Variants in NRROS observed in about 807,000 individuals in gnomAD.
The protein encoded by NRROS is negative regulator of reactive oxygen species, also known as transforming growth factor beta activator LRRC33.
Under a neutral mutation model 12.0 loss-of-function variants are expected in NRROS, and 6 were observed. The observed-to-expected ratio is 0.50, with a 90% CI of 0.27 to 0.98. NRROS has a LOEUF of 0.98. Among genes scored for constraint, NRROS ranks in the 50% least tolerant of loss-of-function variants. The pLI is 0.11. For synonymous variants in NRROS, 462 were observed against 410.2 expected (o/e 1.13, Z -1.53); for missense variants, 857 against 888.2 (o/e 0.96, Z 0.45).
Position 196,654,892 on chromosome 3 carries a change from C to A in NRROS, c.108+245C>A. 2 of 457,720 alleles carry A rather than the reference C, an allele frequency of 4.4e-6. No individual in the cohort carries two copies. Among genetic ancestry groups the A allele is most frequent in the Non-Finnish European group, 3.9e-6 (1 of 257,684 alleles). The allele number at this position is 457,720 out of a possible 1,614,324, so 28.4% of individuals were successfully genotyped here. A position where few individuals can be genotyped will look rare whatever the true frequency, so the allele number is the denominator to read the frequency against. On this transcript the variant is annotated intron_variant, in intron 2 of 2. Coordinates refer to ENST00000328557, the MANE Select transcript of NRROS (RefSeq NM_198565.3). This position sits in a 1 kb window ranked among gnomAD's most constrained non-coding sequence, Gnocchi z 4.4. Reference sequence around the variant, plus strand: ...CACGCCTGCTGAGGATAGGAGGCATCCGAGACCAGCCTAGGGCATCCTCCC... The same window carrying A: ...CACGCCTGCTGAGGATAGGAGGCATACGAGACCAGCCTAGGGCATCCTCCC...
Position 196,660,570 on chromosome 3 carries a change from C to G in NRROS, c.927C>G (p.Asn309Lys), listed in dbSNP as rs756226162. The G allele has an allele frequency of 3.1e-6, 5 of 1,614,184 alleles. No homozygotes were observed. Among genetic ancestry groups the G allele is most frequent in the Non-Finnish European group, 3.4e-6 (4 of 1,180,018 alleles). Residue 309 changes from asparagine (N) to lysine (K), a missense_variant, in exon 3 of 3, where the codon AAC (asparagine) becomes AAG (lysine). Physicochemically the swap from Asn to Lys is moderately conservative, Grantham distance 94. Coordinates refer to ENST00000328557, the MANE Select transcript of NRROS (RefSeq NM_198565.3). This position sits in a 1 kb window ranked among gnomAD's most constrained non-coding sequence, Gnocchi z 7.7. ...MVAQFLLVDG[N>K]VTNITTVSLW... ...CCCAGTTCCTCCTCGTGGACGGCAA[C>G]GTGACCAACATCACCACCGTCAGCC...
At position 196,659,317 on chromosome 3, in the gene NRROS, T is replaced by G. The variant is rs914922815; in HGVS notation, c.109-435T>G. Among the ~76,000 whole-genome samples the G allele has an allele frequency of 8.0e-5, 11 of 137,550 alleles. 1 individual carries two copies. Among genetic ancestry groups the G allele is most frequent in the Admixed American group, 6.7e-4 (9 of 13,344 alleles). 90.2% of individuals were successfully genotyped at this position (137,550 alleles called of 152,430 possible). On this transcript the variant is annotated intron_variant, in intron 2 of 2. Coordinates refer to ENST00000328557, the MANE Select transcript of NRROS (RefSeq NM_198565.3). Reference sequence around the variant, plus strand: ...AGTCCTTTTTTTTTTTTTTTTTTTTTTGAGATGGAGTCTTGCTCTGTCGCC... The same window carrying G: ...AGTCCTTTTTTTTTTTTTTTTTTTTGTGAGATGGAGTCTTGCTCTGTCGCC...
In NRROS at chr3:196,660,989, G is replaced by A. The variant is rs763083848; in HGVS notation, c.1346G>A (p.Arg449Gln). The A allele has an allele frequency of 5.0e-5, 81 of 1,614,180 alleles. No individual in the cohort carries two copies. Among genetic ancestry groups the A allele is most frequent in the East Asian group, 6.7e-5 (3 of 44,878 alleles). ...SLCPLPAASD[R>Q]VGPPSCVDFR... ...TGTCCCCTGCCAGCTGCCTCGGACC[G>A]GGTGGGCCCCCCTAGCTGTGTGGAT... Residue 449 changes from arginine to glutamine, a missense_variant, in exon 3 of 3, where the codon CGG (arginine) becomes CAG (glutamine). Coordinates refer to ENST00000328557, the MANE Select transcript of NRROS (RefSeq NM_198565.3). The surrounding 1 kb of genome is among the most constrained non-coding windows in gnomAD (Gnocchi z 7.7).
intron 2 of NRROS, among the ~76,000 whole-genome samples, chr3:196,658,992 C>A (rs1448305755): frequency 6.6e-6 from 1 of 152,098 alleles, no homozygotes; most frequent in African/African-American, 2.4e-5. Flanking sequence ...AACAAAAAAA[C>A]CATTTTTGTC....
chr3:196,658,188 A>G (rs1737578338), intron 2 of NRROS, among the ~76,000 whole-genome samples: 1 of 152,236 alleles, frequency 6.6e-6, no homozygotes, highest in African/African-American at 2.4e-5. Flanking sequence ...TGCCAAGGCA[A>G]TAAGTCCGTC....
intron 1 of NRROS, among the ~76,000 whole-genome samples, chr3:196,649,899 G>A (rs1386887415): frequency 3.3e-5 from 5 of 152,148 alleles, no homozygotes; most frequent in African/African-American, 4.8e-5. Context: ...GGTAACATAC[G>A]TATGGCACTT....
At position 196,648,395 on chromosome 3, in the gene NRROS, T is replaced by G. The variant is rs890776113; in HGVS notation, c.-13-6132T>G. On this transcript the variant is annotated intron_variant, in intron 1 of 2. Transcript: ENST00000328557. ...CGACCTGCAGACCTCATATCATCTG[T>G]GCATCTGAAAACTCATCACTTAGTG... Among the ~76,000 whole-genome samples the G allele has an allele frequency of 5.9e-5, 9 of 152,296 alleles. No homozygotes were observed. In the Middle Eastern group the frequency reaches 0.027, roughly 460 times the overall value.
intron 2 of NRROS, among the ~76,000 whole-genome samples, chr3:196,655,753 G>A (rs888591067): frequency 9.9e-5 from 15 of 152,196 alleles, no homozygotes; most frequent in African/African-American, 3.6e-4. Flanking sequence ...GACCCGGAGC[G>A]TGGATACCCA....
rs1471606848 is a variant in NRROS, at chr3:196,659,759, G to C, written c.116G>C (p.Gly39Ala). The C allele has an allele frequency of 1.2e-6, 2 of 1,607,516 alleles. No individual in the cohort carries two copies. Among genetic ancestry groups the C allele is most frequent in the East Asian group, 2.2e-5 (1 of 44,754 alleles). ...GTGTGGTTTTGGCCGCAGGTGGGTG[G>C]AGCCGCTGACTGCCGAGGGCAGAGC... The part of the protein sequence containing the change: ...ASQGVCKLVG[G>A]AADCRGQSLA... The change falls in exon 3 of 3, where the codon GGA (glycine) becomes GCA (alanine). Residue 39 changes from glycine (G) to alanine (A), a missense_variant. Physicochemically the swap from Gly to Ala is moderately conservative, Grantham distance 60. Transcript: ENST00000328557.
rs116984491 is a variant in NRROS at position 196,661,536 on chromosome 3, G to A, written c.1893G>A (p.Thr631=). Residue 631 remains threonine (T), a synonymous_variant, in exon 3 of 3, where the codon ACG becomes ACA. Coordinates refer to ENST00000328557, the MANE Select transcript of NRROS (RefSeq NM_198565.3). The stretch of plus-strand genomic sequence containing the variant: ...TCTCCTCCAAGATCATCCGCGTGAC[G>A]GAGCTGCCCGGAGGTGTGCCTCGGG... ...CNLSSKIIRV[T]ELPGGVPRDC... 2.2e-3 allele frequency: 3,581 copies of A among 1,613,784 alleles called. 102 individuals are homozygous for A. In the East Asian group the frequency reaches 0.057, roughly 26 times the overall value.
intron 1 of NRROS, among the ~76,000 whole-genome samples, chr3:196,645,357 G>C: frequency 6.6e-6 from 1 of 152,166 alleles, no homozygotes; most frequent in East Asian, 1.9e-4. Flanking sequence ...TATTGAGGTT[G>C]AGCTGATGCA....
At chr3:196,642,204 T>G (rs1737222110) in intron 1 of NRROS, among the ~76,000 whole-genome samples, 1 of 145,974 alleles carries the variant, frequency 6.9e-6, no homozygotes, top group Non-Finnish European at 1.5e-5. Flanking sequence ...CGTGCAACAA[T>G]AAACCCGAGT....
Position 196,660,168 on chromosome 3 carries a change from C to T in NRROS, c.525C>T (p.Ser175=), listed in dbSNP as rs147524657. ...ACACCATCATGCGGCTGGACGACTCCGTCTTCGAGGGCCTGGAGCGTCTCC... is the reference window on the plus strand; with the variant it reads ...ACACCATCATGCGGCTGGACGACTCTGTCTTCGAGGGCCTGGAGCGTCTCC... ...AGNTIMRLDD[S]VFEGLERLRE... is the part of the protein sequence containing the mutation. Residue 175 remains serine, a synonymous_variant, in exon 3 of 3, where the codon TCC becomes TCT. Coordinates refer to ENST00000328557, the MANE Select transcript of NRROS (RefSeq NM_198565.3). This position sits in a 1 kb window ranked among gnomAD's most constrained non-coding sequence, Gnocchi z 7.7. 6 of 1,613,000 alleles carry T rather than the reference C, an allele frequency of 3.7e-6. No individual in the cohort carries two copies. Among genetic ancestry groups the T allele is most frequent in the Middle Eastern group, 1.6e-4 (1 of 6,062 alleles).
In NRROS at chr3:196,660,682, T is replaced by C; in HGVS notation, c.1039T>C (p.Phe347Leu). The C allele has an allele frequency of 1.9e-6, 3 of 1,614,178 alleles. No individual in the cohort carries two copies. Among genetic ancestry groups the C allele is most frequent in the Non-Finnish European group, 2.5e-6 (3 of 1,180,028 alleles). ...QNQFQYLPDGFLRKMPSLSHL... is the reference protein window; with the variant it reads ...QNQFQYLPDGLLRKMPSLSHL... ...CCAGTTCCAGTACCTGCCAGACGGCTTCCTGAGGAAAATGCCTTCCCTCTC... is the reference window on the plus strand; with the variant it reads ...CCAGTTCCAGTACCTGCCAGACGGCCTCCTGAGGAAAATGCCTTCCCTCTC... The change falls in exon 3 of 3, where the codon TTC (phenylalanine) becomes CTC (leucine). Residue 347 changes from phenylalanine (F) to leucine (L), a missense_variant. Transcript: ENST00000328557. This position sits in a 1 kb window ranked among gnomAD's most constrained non-coding sequence, Gnocchi z 7.7.
At chr3:196,645,051 G>C (rs1298288010) in intron 1 of NRROS, among the ~76,000 whole-genome samples, 1 of 152,186 alleles carries the variant, frequency 6.6e-6, no homozygotes, top group Non-Finnish European at 1.5e-5. Flanking sequence ...ACAGTACCTA[G>C]TAACTGTTCA....
intron 1 of NRROS, among the ~76,000 whole-genome samples, chr3:196,653,574 T>C (rs547950032): frequency 5.7e-4 from 87 of 152,306 alleles, no homozygotes; most frequent in African/African-American, 2.0e-3. Flanking sequence ...GCTGGGGGCA[T>C]GCACTGGGCG....
intron 2 of NRROS, among the ~76,000 whole-genome samples, chr3:196,659,038 GT>G (rs1203388312): frequency 2.0e-5 from 3 of 152,198 alleles, no homozygotes; most frequent in Admixed American, 1.3e-4. Context: ...GCTGATGGTT[GT>G]TTTTGCCAAT....
At chr3:196,647,047 G>C (rs144620090) in intron 1 of NRROS, among the ~76,000 whole-genome samples, 1 of 152,018 alleles carries the variant, frequency 6.6e-6, no homozygotes, top group Admixed American at 6.6e-5. Flanking sequence ...ATCATACCAC[G>C]TCATTCCTAT....
rs780315346 is a variant in NRROS, at chr3:196,659,885, C to G, written c.242C>G (p.Pro81Arg). 1.9e-6 allele frequency: 3 copies of G among 1,614,134 alleles called. No individual in the cohort carries two copies. Among genetic ancestry groups the G allele is most frequent in the Non-Finnish European group, 2.5e-6 (3 of 1,180,004 alleles). Reference sequence around the variant, plus strand: ...TGGAATCACTCCCTCCAGCCTTACCCTCTCCTGGAGAGCCTCAGCCTGCAC... The same window carrying G: ...TGGAATCACTCCCTCCAGCCTTACCGTCTCCTGGAGAGCCTCAGCCTGCAC... The part of the protein sequence containing the change: ...TLWNHSLQPY[P>R]LLESLSLHSC... Residue 81 changes from proline (P) to arginine (R), a missense_variant, in exon 3 of 3, where the codon CCT (proline) becomes CGT (arginine). Transcript: ENST00000328557.
Sources: allele counts gnomAD v4.1 joint callset (sites outside exome capture counted in the v4.1 genomes callset), GRCh38; gene constraint gnomAD v4.1.1; non-coding constraint Gnocchi (gnomAD v3.1); transcripts MANE v1.5; gene names NCBI Gene and HGNC (gene_info 2026-07-23, HGNC 2026-07-21).